Variants in ANKRD28 observed in about 807,000 individuals in gnomAD.
ANKRD28 encodes the protein serine/threonine-protein phosphatase 6 regulatory ankyrin repeat subunit A.
In ANKRD28, 44 loss-of-function variants were observed where a neutral mutation model predicts 126.5. The ratio of observed to expected loss-of-function variants is 0.35; its 90% CI spans 0.27 to 0.45. The LOEUF is 0.45. Ranked by LOEUF, ANKRD28 falls within the 20% of genes least tolerant of loss-of-function variation. The pLI, the probability that ANKRD28 is intolerant of heterozygous loss-of-function variation, is 1.00. For missense variants in ANKRD28, 1,110 were observed against 1,316.6 expected (o/e 0.84, Z 2.43); for synonymous variants, 442 against 468.5 (o/e 0.94, Z 0.73).
At chr3:15,716,868 G>A (rs1255604919) in intron 8 of ANKRD28, among the ~76,000 whole-genome samples, 4 of 152,140 alleles carry the variant, frequency 2.6e-5, no homozygotes, top group Non-Finnish European at 5.9e-5. Context: ...AGGCCAAAGC[G>A]GAAGGACTGC....
chr3:15,672,419 G>A (rs114706974), intron 27 of ANKRD28, among the ~76,000 whole-genome samples: 1,656 of 152,278 alleles, frequency 0.011, 30 homozygotes, highest in African/African-American at 0.037. Context: ...TGGGATTATA[G>A]GAGTAAGCCA....
chr3:15,813,334 C>T (rs1230044356), intron 1 of ANKRD28, among the ~76,000 whole-genome samples: 1 of 152,146 alleles, frequency 6.6e-6, no homozygotes, highest in Non-Finnish European at 1.5e-5. Flanking sequence ...TGCCGCTGCA[C>T]TCCAGTCTGG....
chr3:15,755,197 T>C (rs1315472731), intron 3 of ANKRD28, among the ~76,000 whole-genome samples: 1 of 152,208 alleles, frequency 6.6e-6, no homozygotes, highest in African/African-American at 2.4e-5. Flanking sequence ...ATCAAATGTT[T>C]TTAATTCCTT....
chr3:15,834,134 T>A (rs922847245), intron 1 of ANKRD28, among the ~76,000 whole-genome samples: 1 of 152,170 alleles, frequency 6.6e-6, no homozygotes, highest in East Asian at 1.9e-4. Flanking sequence ...ATAAATTATT[T>A]GCCTAGACCA....
At chr3:15,760,317 C>T (rs928393581) in intron 3 of ANKRD28, among the ~76,000 whole-genome samples, 4 of 152,056 alleles carry the variant, frequency 2.6e-5, no homozygotes, top group African/African-American at 7.2e-5. Context: ...AACACACCTG[C>T]GCATGTACTC....
chr3:15,699,365 T>C (rs1038289715), intron 14 of ANKRD28, among the ~76,000 whole-genome samples: 1 of 151,994 alleles, frequency 6.6e-6, no homozygotes, highest in Non-Finnish European at 1.5e-5. Context: ...CCAAAAGCAA[T>C]AGCAACAGAA....
chr3:15,746,953 CA>C (rs1456131846), intron 4 of ANKRD28, among the ~76,000 whole-genome samples: 1 of 152,064 alleles, frequency 6.6e-6, no homozygotes, highest in Non-Finnish European at 1.5e-5. Flanking sequence ...GGAGTTTATC[CA>C]TCTCCTCTAG....
At chr3:15,782,895 G>A (rs1454117328) in intron 2 of ANKRD28, among the ~76,000 whole-genome samples, 4 of 152,068 alleles carry the variant, frequency 2.6e-5, no homozygotes, top group African/African-American at 9.7e-5. Flanking sequence ...TTTTCCTGGT[G>A]TACAAACTGT....
chr3:15,755,689 T>C (rs538909085), intron 3 of ANKRD28, among the ~76,000 whole-genome samples: 1 of 152,290 alleles, frequency 6.6e-6, no homozygotes, highest in Non-Finnish European at 1.5e-5. Context: ...AAACAGTCTT[T>C]GTAGAGAGAA....
At chr3:15,765,826 T>G (rs1454955607) in intron 3 of ANKRD28, among the ~76,000 whole-genome samples, 1 of 133,872 alleles carries the variant, frequency 7.5e-6, no homozygotes, top group Non-Finnish European at 1.6e-5. Context: ...AGAGCGAGAC[T>G]CCATCTCAAA....
intron 1 of ANKRD28, among the ~76,000 whole-genome samples, chr3:15,844,458 AC>A (rs2061488726): frequency 1.3e-5 from 2 of 152,126 alleles, no homozygotes; most frequent in Non-Finnish European, 1.5e-5. Context: ...GAAAAAAAAA[AC>A]AAAACACCTC....
At chr3:15,801,798 T>C (rs1329153120), upstream of ANKRD28, among the ~76,000 whole-genome samples, 2 of 152,168 alleles carry the variant, frequency 1.3e-5, no homozygotes, top group Admixed American at 6.5e-5. The surrounding 1 kb of genome is among the most constrained non-coding windows in gnomAD (Gnocchi z 4.9). Flanking sequence ...ATCCTCATAA[T>C]AGATCAGACT....
At chr3:15,686,428 C>T in intron 18 of ANKRD28, 119 bp from the exon 19 acceptor site, 1 of 780,572 alleles carries the variant, frequency 1.3e-6, no homozygotes, top group South Asian at 1.8e-5. Context: ...ATTTAATATG[C>T]AAGAATGAAA....
intron 1 of ANKRD28, among the ~76,000 whole-genome samples, chr3:15,842,858 C>T (rs995314845): frequency 2.6e-5 from 4 of 152,132 alleles, no homozygotes; most frequent in Non-Finnish European, 5.9e-5. Flanking sequence ...AAATTCAACT[C>T]AAACAACTTT....
At chr3:15,718,814 C>T (rs1239769581) in intron 8 of ANKRD28, among the ~76,000 whole-genome samples, 6 of 152,162 alleles carry the variant, frequency 3.9e-5, no homozygotes, top group Admixed American at 2.6e-4. Context: ...TTGGTTGTGA[C>T]GTTTGCTTTT....
At chr3:15,720,496 T>C (rs1392105961) in intron 8 of ANKRD28, among the ~76,000 whole-genome samples, 2 of 152,222 alleles carry the variant, frequency 1.3e-5, no homozygotes, top group African/African-American at 4.8e-5. Context: ...AGTATTTTCC[T>C]TCTAAGAGAA....
At position 15,713,590 on chromosome 3, in the gene ANKRD28, G is replaced by A; in HGVS notation, c.1127C>T (p.Ala376Val). 1.9e-6 allele frequency: 3 copies of A among 1,611,030 alleles called. No individual in the cohort carries two copies. Among genetic ancestry groups the A allele is most frequent in the Non-Finnish European group, 2.5e-6 (3 of 1,178,992 alleles). The change falls in exon 10 of 28, where the codon GCA becomes GTA. Residue 376 changes from alanine (A) to valine (V), a missense_variant. Physicochemically the swap from Ala to Val is moderately conservative, Grantham distance 64. Transcript: ENST00000683139. ...CAGCAGCTCATGGCCATACCGTGCT[G>A]CTATGTGCAAAGGGGTATTTCCATT... ...DKNGNTPLHI[A>V]ARYGHELLIN...
intron 21 of ANKRD28, among the ~76,000 whole-genome samples, chr3:15,680,903 G>C (rs890751483): frequency 3.9e-5 from 6 of 152,184 alleles, no homozygotes; most frequent in Non-Finnish European, 5.9e-5. Context: ...CAGAGCTCAA[G>C]TGATCTGCCT....
chr3:15,777,465 C>T (rs954965078), intron 2 of ANKRD28, among the ~76,000 whole-genome samples: 1 of 152,050 alleles, frequency 6.6e-6, no homozygotes, highest in Non-Finnish European at 1.5e-5. Context: ...AATCTAGTTT[C>T]TGTGTAAATA....
Sources: gnomAD v4.1 joint callset for allele counts (sites outside exome capture counted in the v4.1 genomes callset) on GRCh38, gnomAD v4.1.1 for gene constraint, Gnocchi (gnomAD v3.1) non-coding constraint, MANE v1.5 for transcripts, NCBI Gene and HGNC (gene_info 2026-07-23, HGNC 2026-07-21) for gene names.